The following MINDY3 variants were observed in gnomAD, a reference collection of about 807,000 sequenced individuals.
The protein encoded by MINDY3 is ubiquitin carboxyl-terminal hydrolase MINDY-3.
Under a neutral mutation model 69.2 loss-of-function variants are expected in MINDY3, and 38 were observed. The observed-to-expected ratio is 0.55, with a 90% confidence interval of 0.42 to 0.72. MINDY3 has a LOEUF of 0.72. MINDY3 is among the 30% of genes least tolerant of loss of function. The probability of loss-of-function intolerance (pLI) is 0.00; values close to 1 mark genes in which losing one functional copy is unlikely to be tolerated. For missense variants in MINDY3, 522 were observed against 519.0 expected (o/e 1.01, Z -0.06); for synonymous variants, 192 against 180.1 (o/e 1.07, Z -0.53).
chr10:15,859,760 T>G (rs1369588749), intron 1 of MINDY3, among the ~76,000 whole-genome samples: 2 of 152,222 alleles, frequency 1.3e-5, no homozygotes, highest in African/African-American at 4.8e-5. Flanking sequence ...CTTTTTGGAA[T>G]TAGCCACTTG....
At chr10:15,826,590 A>G (rs933826784) in intron 8 of MINDY3, among the ~76,000 whole-genome samples, 1 of 152,200 alleles carries the variant, frequency 6.6e-6, no homozygotes, top group Non-Finnish European at 1.5e-5. Context: ...AGGAAAGTTC[A>G]ACTGGAATAG....
At chr10:15,817,209 G>C (rs189038952) in intron 9 of MINDY3, 3 of 247,998 alleles carry the variant, frequency 1.2e-5, no homozygotes, top group Admixed American at 1.1e-4. Context: ...TTTTGCTAAA[G>C]TTCCTAGATA....
intron 10 of MINDY3, among the ~76,000 whole-genome samples, chr10:15,806,078 CCTT>C (rs1254219079): frequency 1.3e-5 from 2 of 152,280 alleles, no homozygotes; most frequent in Middle Eastern, 3.4e-3. Flanking sequence ...CTCATCGCCC[CCTT>C]CTTGAGTACC....
chr10:15,860,358 A>T lies in MINDY3; in HGVS notation c.-59T>A. On this transcript the variant is annotated 5_prime_UTR_variant, in exon 1 of 15. Transcript: ENST00000277632. Reference sequence around the variant, plus strand: ...GGACTCCTGCCCCGGAACATGGGGAAGGGGCAACTCCGGAAACAGCAGCTG... The same window carrying T: ...GGACTCCTGCCCCGGAACATGGGGATGGGGCAACTCCGGAAACAGCAGCTG... The T allele has an allele frequency of 7.9e-7, 1 of 1,269,822 alleles. No individual in the cohort carries two copies. Among genetic ancestry groups the T allele is most frequent in the South Asian group, 1.3e-5 (1 of 78,802 alleles). 78.7% of individuals were successfully genotyped at this position (1,269,822 alleles called of 1,614,324 possible).
chr10:15,820,434 G>C (rs1052274221), intron 9 of MINDY3, among the ~76,000 whole-genome samples: 1 of 152,080 alleles, frequency 6.6e-6, no homozygotes, highest in Non-Finnish European at 1.5e-5. Flanking sequence ...GCAGGCATGC[G>C]TGCACATCCC....
In MINDY3 at chr10:15,860,416, A is replaced by C. The variant is rs1835017208; in HGVS notation, c.-117T>G. On this transcript the variant is annotated 5_prime_UTR_variant, in exon 1 of 15. Transcript: ENST00000277632. Reference sequence around the variant, plus strand: ...GCGGCGGCAAACGAATTGGAAGGTGAGGCAGGAAAGAAGAAGGGGCTGAGA... The same window carrying C: ...GCGGCGGCAAACGAATTGGAAGGTGCGGCAGGAAAGAAGAAGGGGCTGAGA... 2.6e-6 allele frequency: 2 copies of C among 767,896 alleles called. No individual in the cohort carries two copies. The highest frequency in any genetic ancestry group is 3.0e-5 in the South Asian group (2 of 67,772). The allele number at this position is 767,896 out of a possible 1,614,324, so 47.6% of individuals were successfully genotyped here.
intron 11 of MINDY3, among the ~76,000 whole-genome samples, chr10:15,793,677 C>G (rs1445192653): frequency 6.6e-6 from 1 of 152,066 alleles, no homozygotes; most frequent in Non-Finnish European, 1.5e-5. Flanking sequence ...TTGGTTCTCA[C>G]ATTTAGGTAT....
At chr10:15,784,691 C>G (rs1363839244) in intron 13 of MINDY3, among the ~76,000 whole-genome samples, 2 of 152,092 alleles carry the variant, frequency 1.3e-5, no homozygotes, top group Non-Finnish European at 2.9e-5. Flanking sequence ...GAGCTGAGAT[C>G]GTGCCACTGC....
chr10:15,805,062 A>T (rs529675041), intron 10 of MINDY3, among the ~76,000 whole-genome samples: 1 of 152,282 alleles, frequency 6.6e-6, no homozygotes, highest in Non-Finnish European at 1.5e-5. Flanking sequence ...GTGGGAGAAG[A>T]AGTTTCCAAC....
chr10:15,837,614 T>C, intron 5 of MINDY3: 1 of 1,303,870 alleles, frequency 7.7e-7, no homozygotes, highest in Non-Finnish European at 1.0e-6. Flanking sequence ...ATACAGTTAT[T>C]TAAAGAATAG....
At position 15,841,609 on chromosome 10, in the gene MINDY3, A is replaced by G; in HGVS notation, c.236-10T>C. On this transcript the variant is annotated splice_polypyrimidine_tract_variant and intron_variant, in intron 3 of 14. Transcript: ENST00000277632. ...TCCTTCTGCTCTTCCTCTAAAAATA[A>G]CCAAAGCATAAGTTATAATGGTTTC... is the stretch of plus-strand genomic sequence containing the variant. 1.3e-6 allele frequency: 2 copies of G among 1,590,086 alleles called. No individual in the cohort carries two copies. Among genetic ancestry groups the G allele is most frequent in the Non-Finnish European group, 1.7e-6 (2 of 1,167,852 alleles).
rs189638254 is a variant in MINDY3 at position 15,850,083 on chromosome 10, G to A, written c.95-2140C>T. On this transcript the variant is annotated intron_variant, in intron 1 of 14. Coordinates refer to ENST00000277632, the MANE Select transcript of MINDY3 (RefSeq NM_024948.4). ...AATTAATACTTTTATAATTTCTTACGCCTGTCTTTACTGCAATCTCTGAAC... is the reference window on the plus strand; with the variant it reads ...AATTAATACTTTTATAATTTCTTACACCTGTCTTTACTGCAATCTCTGAAC... Among the ~76,000 whole-genome samples the A allele has an allele frequency of 3.7e-3, 564 of 152,212 alleles. 4 individuals are homozygous for A. Among genetic ancestry groups the A allele is most frequent in the African/African-American group, 0.013 (520 of 41,534 alleles).
At chr10:15,784,981 G>A (rs1836843647) in intron 13 of MINDY3, among the ~76,000 whole-genome samples, 1 of 152,126 alleles carries the variant, frequency 6.6e-6, no homozygotes. Flanking sequence ...TAAAGCAGCT[G>A]TTCTCTAACT....
chr10:15,836,113 T>C (rs531855508), intron 6 of MINDY3, among the ~76,000 whole-genome samples: 8 of 152,162 alleles, frequency 5.3e-5, no homozygotes, highest in African/African-American at 1.9e-4. Flanking sequence ...ATGTGCCCAG[T>C]CTCATCTTCC....
At chr10:15,791,589 T>TACATACTGTAATGCGCAC (rs1564459637) in intron 11 of MINDY3, among the ~76,000 whole-genome samples, 38 of 151,970 alleles carry the variant, frequency 2.5e-4, no homozygotes, top group African/African-American at 9.2e-4. Flanking sequence ...ACGGCTAGCA[T>TACATACTGTAATGCGCAC]GTACATACTG....
chr10:15,789,467 C>T, intron 11 of MINDY3, 148 bp from the exon 12 acceptor site: 1 of 554,420 alleles, frequency 1.8e-6, no homozygotes, highest in Non-Finnish European at 3.2e-6. Context: ...AGGCATAGTG[C>T]CTATTGCTAT....
Position 15,779,062 on chromosome 10 carries a change from C to T in MINDY3, c.1268G>A (p.Arg423His), listed in dbSNP as rs747031404. The T allele has an allele frequency of 3.8e-5, 61 of 1,613,328 alleles. No homozygotes were observed. Among genetic ancestry groups the T allele is most frequent in the Admixed American group, 5.0e-5 (3 of 59,872 alleles). The change falls in exon 15 of 15, where the codon CGC (arginine) becomes CAC (histidine). Residue 423 changes from arginine to histidine, a missense_variant. By Grantham distance (29) the Arg-to-His change is conservative (BLOSUM62 0). Transcript: ENST00000277632. ...MLQTDDTPIKRCLQTKWPYIE... is the reference protein window; with the variant it reads ...MLQTDDTPIKHCLQTKWPYIE... ...GTATGGCCATTTGGTTTGCAGACAGCGTTTAATAGGAGTGTCATCTGTCTG... is the reference window on the plus strand; with the variant it reads ...GTATGGCCATTTGGTTTGCAGACAGTGTTTAATAGGAGTGTCATCTGTCTG...
chr10:15,850,824 G>A (rs540738367), intron 1 of MINDY3, among the ~76,000 whole-genome samples: 26 of 152,190 alleles, frequency 1.7e-4, no homozygotes, highest in African/African-American at 5.8e-4. Context: ...TGGTTTTGCG[G>A]CTCAGGGGGC....
chr10:15,830,078 G>C (rs1037643737), intron 8 of MINDY3, among the ~76,000 whole-genome samples: 1 of 152,152 alleles, frequency 6.6e-6, no homozygotes, highest in Non-Finnish European at 1.5e-5. Context: ...CAAATAACTA[G>C]CAGGTTTTCA....
Sources: gnomAD v4.1 joint callset for allele counts (sites outside exome capture counted in the v4.1 genomes callset) on GRCh38, gnomAD v4.1.1 for gene constraint, MANE v1.5 for transcripts, NCBI Gene and HGNC (gene_info 2026-07-23, HGNC 2026-07-21) for gene names.